Variants in NMNAT3 observed in about 807,000 individuals in gnomAD.
NMNAT3 encodes nicotinamide nucleotide adenylyltransferase 3.
NMNAT3 carries 21 observed loss-of-function variants against 24.8 expected under a neutral mutation model. That is an observed-to-expected ratio of 0.85 (90% CI 0.60 to 1.22). The LOEUF (loss-of-function observed/expected upper bound fraction) is 1.22. Among genes scored for constraint, NMNAT3 ranks in the 50% most tolerant of loss-of-function variants. NMNAT3 has a pLI of 0.00. For missense variants in NMNAT3, 387 were observed against 436.6 expected (o/e 0.89, Z 1.01); for synonymous variants, 136 against 155.2 (o/e 0.88, Z 0.92).
intron 5 of NMNAT3, among the ~76,000 whole-genome samples, chr3:139,574,444 A>C (rs1221840210): frequency 6.6e-6 from 1 of 152,238 alleles, no homozygotes; most frequent in East Asian, 1.9e-4. Flanking sequence ...ACTTTCACAA[A>C]TTTGGCATGC....
intron 1 of NMNAT3, among the ~76,000 whole-genome samples, chr3:139,653,769 A>T (rs1468650887): frequency 6.6e-6 from 1 of 152,216 alleles, no homozygotes; most frequent in African/African-American, 2.4e-5. Context: ...GTAGCTGCCT[A>T]GACTTTCTTC....
chr3:139,626,947 A>G (rs570334431), intron 3 of NMNAT3, among the ~76,000 whole-genome samples: 29 of 152,202 alleles, frequency 1.9e-4, no homozygotes, highest in Non-Finnish European at 3.7e-4. Context: ...TAAATATACA[A>G]GTAAATAATT....
rs2056119540 is a variant in NMNAT3, at chr3:139,627,754, T to G, written c.-30A>C. ...TCAGGCACATCCACACCTGTTGCAG[T>G]GGCCACCCTGCTTTTATGGGGACAA... is the stretch of plus-strand genomic sequence containing the variant. On this transcript the variant is annotated 5_prime_UTR_variant, in exon 3 of 7. Transcript: ENST00000643695. The G allele has an allele frequency of 2.2e-6, 3 of 1,366,792 alleles. No homozygotes were observed. The African/African-American group carries it at 4.3e-5, about 20-fold the overall frequency. The allele number at this position is 1,366,792 out of a possible 1,614,324, so 84.7% of individuals were successfully genotyped here.
chr3:139,654,111 C>T (rs1322333601), intron 1 of NMNAT3, among the ~76,000 whole-genome samples: 2 of 152,166 alleles, frequency 1.3e-5, no homozygotes, highest in Admixed American at 6.5e-5. Flanking sequence ...AGGCAGGATT[C>T]GCACTTAGCT....
At chr3:139,627,580 C>T (rs1254003043) in intron 3 of NMNAT3, 36 bp downstream of exon 4, 4 of 1,272,774 alleles carry the variant, frequency 3.1e-6, no homozygotes, top group Non-Finnish European at 4.3e-6. Flanking sequence ...CCTAACCCAC[C>T]AGTTCTTCTG....
At chr3:139,578,726 T>C in intron 5 of NMNAT3, 146 bp downstream of exon 5, 1 of 637,602 alleles carries the variant, frequency 1.6e-6, no homozygotes, top group African/African-American at 1.8e-5. Flanking sequence ...ATCTCTCTCC[T>C]GCTAAGTAGA....
rs1049062343 is a variant in NMNAT3, at chr3:139,560,213, A to G, written c.*797T>C. On this transcript the variant is annotated 3_prime_UTR_variant, in exon 7 of 7. Transcript: ENST00000643695. ...TAGTACTTTTTGATGTCAATTTATT[A>G]TTTATCCCTTTGCCAGTATTCAAAC... 14 of 152,674 alleles carry G rather than the reference A, an allele frequency of 9.2e-5. No individual in the cohort carries two copies. Among genetic ancestry groups the G allele is most frequent in the African/African-American group, 3.4e-4 (14 of 41,472 alleles). 9.5% of individuals were successfully genotyped at this position (152,674 alleles called of 1,614,324 possible).
intron 1 of NMNAT3, among the ~76,000 whole-genome samples, chr3:139,652,884 G>A (rs2057102229): frequency 6.6e-6 from 1 of 152,162 alleles, no homozygotes. Context: ...TGTACTTCTA[G>A]AAGTCCAGAA....
chr3:139,579,865 A>C (rs571820987), intron 4 of NMNAT3, among the ~76,000 whole-genome samples: 39 of 152,032 alleles, frequency 2.6e-4, no homozygotes, highest in Non-Finnish European at 4.1e-4. Flanking sequence ...TTTTTCTGCA[A>C]CTCTTGATTG....
At chr3:139,652,838 T>C (rs1242335541) in intron 1 of NMNAT3, among the ~76,000 whole-genome samples, 1 of 152,156 alleles carries the variant, frequency 6.6e-6, no homozygotes, top group East Asian at 1.9e-4. Context: ...CAGAACCAAA[T>C]GCAGCTCTGC....
At chr3:139,565,005 A>G (rs184761130) in intron 6 of NMNAT3, among the ~76,000 whole-genome samples, 2 of 152,204 alleles carry the variant, frequency 1.3e-5, no homozygotes, top group Admixed American at 6.5e-5. Context: ...GATGGGAAGT[A>G]TAGTCATATT....
chr3:139,588,465 T>C (rs1317152197), intron 3 of NMNAT3, among the ~76,000 whole-genome samples: 1 of 151,984 alleles, frequency 6.6e-6, no homozygotes, highest in African/African-American at 2.4e-5. Context: ...AAGGAGACAA[T>C]AGTTGGGAAA....
chr3:139,568,048 C>G (rs1046074516), intron 6 of NMNAT3: 5 of 152,208 alleles, frequency 3.3e-5, no homozygotes, highest in African/African-American at 4.8e-5. Context: ...AGAGATTCAA[C>G]TTCTTCCTGG....
At chr3:139,570,048 A>T (rs1473530671) in intron 6 of NMNAT3, 1 of 151,718 alleles carries the variant, frequency 6.6e-6, no homozygotes, top group Admixed American at 6.6e-5. Context: ...GTTTCTTTTT[A>T]CTCTTTTTCC....
chr3:139,644,783 T>A (rs972481353), intron 1 of NMNAT3, among the ~76,000 whole-genome samples: 1 of 152,236 alleles, frequency 6.6e-6, no homozygotes, highest in African/African-American at 2.4e-5. Flanking sequence ...AGTGAACACA[T>A]ACGTGGTCAT....
intron 3 of NMNAT3, among the ~76,000 whole-genome samples, chr3:139,599,903 G>T (rs1455141640): frequency 6.6e-6 from 1 of 152,202 alleles, no homozygotes; most frequent in African/African-American, 2.4e-5. Flanking sequence ...GCAGGGAGAA[G>T]AATAGATCCA....
chr3:139,636,827 C>T (rs1001650741), intron 2 of NMNAT3: 28 of 152,328 alleles, frequency 1.8e-4, no homozygotes, highest in African/African-American at 6.5e-4. Flanking sequence ...CCTCCAGACC[C>T]TGCAGGCAGC....
chr3:139,656,638 T>A (rs976980436), intron 1 of NMNAT3, among the ~76,000 whole-genome samples: 3 of 152,074 alleles, frequency 2.0e-5, no homozygotes, highest in African/African-American at 7.2e-5. Flanking sequence ...AACTGTTTTT[T>A]AAAAATAGCT....
rs117372573 is a variant in NMNAT3, at chr3:139,638,269, G to T, written c.-140-207C>A. The stretch of plus-strand genomic sequence containing the variant: ...CCCATAAGTTGTATCTGCTGCCTTG[G>T]CTGAGCCCCATCCAAGGACCCTGAT... On this transcript the variant is annotated intron_variant, in intron 1 of 6. Transcript: ENST00000643695. Among the ~76,000 whole-genome samples, 76 of 152,188 alleles carry T rather than the reference G, an allele frequency of 5.0e-4. No individual in the cohort carries two copies. The East Asian group carries it at 0.014, about 28-fold the overall frequency.
Sources: gnomAD v4.1 joint callset for allele counts (sites outside exome capture counted in the v4.1 genomes callset) on GRCh38, gnomAD v4.1.1 for gene constraint, MANE v1.5 for transcripts, NCBI Gene and HGNC (gene_info 2026-07-23, HGNC 2026-07-21) for gene names.